The following GFPT1 variants were observed in gnomAD, a reference collection of about 807,000 sequenced individuals.
GFPT1 encodes glutamine--fructose-6-phosphate aminotransferase [isomerizing] 1.
Under a neutral mutation model 92.0 loss-of-function variants are expected in GFPT1, and 40 were observed. The ratio of observed to expected loss-of-function variants is 0.43; its 90% CI spans 0.34 to 0.57. The LOEUF (loss-of-function observed/expected upper bound fraction) is 0.57. Ranked by LOEUF, GFPT1 falls within the 20% of genes least tolerant of loss-of-function variation. The pLI is 0.02. For synonymous variants in GFPT1, 269 were observed against 280.6 expected, an observed-to-expected ratio of 0.96 and a Z score of 0.41; for missense variants, 448 against 869.1, an observed-to-expected ratio of 0.52 and a Z score of 6.09.
chr2:69,350,134 G>A lies in GFPT1; in HGVS notation c.789C>T (p.Thr263=). 1 of 1,614,020 alleles carries A rather than the reference G, an allele frequency of 6.2e-7. No homozygotes were observed. Residue 263 remains threonine, a synonymous_variant, in exon 10 of 20, where the codon ACC becomes ACT. Transcript: ENST00000357308. ...CTTTTTCTTCCACCGGGAAAAGGCA[G>A]GTTGTGCTGTCCACACGAGAGAGAT... The part of the protein sequence containing the change: ...SCNLSRVDST[T]CLFPVEEKAV...
At chr2:69,381,862 T>TC (rs1553394985) in intron 1 of GFPT1, among the ~76,000 whole-genome samples, 2 of 84,716 alleles carry the variant, frequency 2.4e-5, no homozygotes, top group African/African-American at 1.8e-4. Context: ...TACTTATAAC[T>TC]CTTTTTTTTT....
Position 69,363,648 on chromosome 2 carries a change from A to T in GFPT1, c.246T>A (p.Asp82Glu). ...TTCCAAGGTGTACATCAAATTCTAT[A>T]TCCAAATCCATATCTTGTTGCTCTG... ...EVHKQQDMDL[D>E]IEFDVHLGIA... The change falls in exon 4 of 20, where the codon GAT (aspartate) becomes GAA (glutamate). Residue 82 changes from aspartate to glutamate, a missense_variant. By Grantham distance (45) the Asp-to-Glu change is conservative (BLOSUM62 2). This residue lies in a region of GFPT1 where 72 missense variants were observed against 95.1 expected (regional missense o/e 0.76). Coordinates refer to ENST00000357308, the MANE Select transcript of GFPT1 (RefSeq NM_001244710.2). 6.2e-7 allele frequency: 1 copy of T among 1,607,296 alleles called. No individual in the cohort carries two copies. Among genetic ancestry groups the T allele is most frequent in the Non-Finnish European group, 8.5e-7 (1 of 1,173,762 alleles).
At chr2:69,337,397 C>T (rs993591083) in intron 15 of GFPT1, among the ~76,000 whole-genome samples, 2 of 152,064 alleles carry the variant, frequency 1.3e-5, no homozygotes, top group African/African-American at 4.8e-5. Context: ...GTGTATTCCT[C>T]CTTACAAACT....
chr2:69,328,244 A>G (rs758337442), intron 18 of GFPT1, 27 bp downstream of exon 18: 1 of 1,584,106 alleles, frequency 6.3e-7, no homozygotes, highest in Non-Finnish European at 8.7e-7. Context: ...TTGATCCCCA[A>G]GGTGTTCTCA....
At chr2:69,369,558 C>T (rs571625889) in intron 3 of GFPT1, among the ~76,000 whole-genome samples, 1 of 152,240 alleles carries the variant, frequency 6.6e-6, no homozygotes, top group African/African-American at 2.4e-5. Context: ...TGATACTTAC[C>T]AGATTATATC....
Position 69,359,328 on chromosome 2 carries a change from T to C in GFPT1, c.350-2A>G. On this transcript the variant is annotated splice_acceptor_variant, in intron 4 of 19. Transcript: ENST00000357308. LOFTEE classifies it high-confidence loss of function. ...TTCCATTGTGAATAACGATAAATTC[T>C]AAAAGAGGTAAAAGTGTTGAAGACA... 6.6e-7 allele frequency: 1 copy of C among 1,511,376 alleles called. No homozygotes were observed. Among genetic ancestry groups the C allele is most frequent in the Non-Finnish European group, 9.2e-7 (1 of 1,088,108 alleles). The allele number at this position is 1,511,376 out of a possible 1,614,324, so 93.6% of individuals were successfully genotyped here. A position where few individuals can be genotyped will look rare whatever the true frequency, so the allele number is the denominator to read the frequency against.
intron 12 of GFPT1, among the ~76,000 whole-genome samples, chr2:69,343,414 C>CT (rs113621682): frequency 0.042 from 6,060 of 143,592 alleles, 144 homozygotes; most frequent in Middle Eastern, 0.051. Context: ...ATCTCCTCAC[C>CT]TTTTTTTTTT....
intron 4 of GFPT1, among the ~76,000 whole-genome samples, chr2:69,361,494 T>A (rs973866537): frequency 8.2e-5 from 12 of 146,460 alleles, no homozygotes; most frequent in Non-Finnish European, 9.1e-5. Flanking sequence ...AAGAGATTAA[T>A]AAACAGCTAA....
chr2:69,344,017 A>C (rs1464235202), intron 12 of GFPT1, among the ~76,000 whole-genome samples: 1 of 152,120 alleles, frequency 6.6e-6, no homozygotes, highest in African/African-American at 2.4e-5. Context: ...CACCAGCCAG[A>C]CTGGCCTTCT....
chr2:69,331,434 C>G (rs1670661454), intron 15 of GFPT1, among the ~76,000 whole-genome samples: 1 of 152,110 alleles, frequency 6.6e-6, no homozygotes, highest in Admixed American at 6.6e-5. Flanking sequence ...ACTTTGAAGT[C>G]TGAAGTTTGC....
At chr2:69,373,083 C>A (rs1226615993) in intron 2 of GFPT1, among the ~76,000 whole-genome samples, 1 of 152,224 alleles carries the variant, frequency 6.6e-6, no homozygotes, top group Non-Finnish European at 1.5e-5. Context: ...CACTGGTGAG[C>A]AGCTTGTGCC....
chr2:69,327,741 G>A (rs1670564487), intron 18 of GFPT1, among the ~76,000 whole-genome samples: 1 of 152,148 alleles, frequency 6.6e-6, no homozygotes, highest in African/African-American at 2.4e-5. Flanking sequence ...AGGATGTGGA[G>A]ACCAAGACCT....
At chr2:69,369,796 C>T (rs1671698257) in intron 3 of GFPT1, among the ~76,000 whole-genome samples, 1 of 152,166 alleles carries the variant, frequency 6.6e-6, no homozygotes, top group South Asian at 2.1e-4. Context: ...TCCCTAGTTG[C>T]AATGATTATT....
intron 15 of GFPT1, among the ~76,000 whole-genome samples, chr2:69,333,385 T>A (rs61195926): frequency 0.023 from 3,434 of 152,306 alleles, 137 homozygotes; most frequent in African/African-American, 0.077. Flanking sequence ...GCAACTTTAA[T>A]CCATGTTTTT....
rs1175651889 is a variant in GFPT1, at chr2:69,323,745, G to C, written c.*2444C>G. On this transcript the variant is annotated 3_prime_UTR_variant, in exon 20 of 20. Coordinates refer to ENST00000357308, the MANE Select transcript of GFPT1 (RefSeq NM_001244710.2). ...GGCTGGAGTGTAGTGGCGTGATCTC[G>C]CCTCACTGCAACCTCCGCCTCCTGG... is the stretch of plus-strand genomic sequence containing the variant. The C allele has an allele frequency of 6.7e-6, 1 of 149,460 alleles. No homozygotes were observed. The highest frequency in any genetic ancestry group is 3.3e-3 in the Middle Eastern group (1 of 300). 9.3% of individuals were successfully genotyped at this position (149,460 alleles called of 1,614,324 possible).
Position 69,358,356 on chromosome 2 carries a change from G to C in GFPT1, c.516C>G (p.Thr172=). 6.2e-7 allele frequency: 1 copy of C among 1,612,264 alleles called. No homozygotes were observed. Among genetic ancestry groups the C allele is most frequent in the Non-Finnish European group, 8.5e-7 (1 of 1,178,452 alleles). Residue 172 remains threonine (T), a synonymous_variant, in exon 6 of 20, where the codon ACC becomes ACG. Transcript: ENST00000357308. ...NRESQDTSFT[T]LVERVIQQLE... ...ATTGTTGGATAACTCTCTCCACCAA[G>C]GTAGTAAAGCTGGTATCTTGACTTT...
intron 9 of GFPT1, among the ~76,000 whole-genome samples, chr2:69,352,177 C>T (rs1214127948): frequency 2.6e-5 from 4 of 152,062 alleles, no homozygotes; most frequent in Non-Finnish European, 5.9e-5. Context: ...GTGGGAGAAT[C>T]GCTTGAACCT....
At chr2:69,373,448 T>G (rs989659246) in intron 2 of GFPT1, among the ~76,000 whole-genome samples, 1 of 152,068 alleles carries the variant, frequency 6.6e-6, no homozygotes, top group Non-Finnish European at 1.5e-5. Flanking sequence ...GAGACTCTCG[T>G]GTCTACAAAA....
chr2:69,336,983 C>T (rs1670815203), intron 15 of GFPT1, among the ~76,000 whole-genome samples: 1 of 151,990 alleles, frequency 6.6e-6, no homozygotes, highest in South Asian at 2.1e-4. Flanking sequence ...TTTAAACCTC[C>T]CCAGAGCAAT....
Sources: gnomAD v4.1 joint callset for allele counts (sites outside exome capture counted in the v4.1 genomes callset) on GRCh38, gnomAD v4.1.1 for gene constraint, gnomAD v4.1.1 regional missense constraint, MANE v1.5 for transcripts, NCBI Gene and HGNC (gene_info 2026-07-23, HGNC 2026-07-21) for gene names.